Variants in PRDM11 observed in about 807,000 individuals in gnomAD.
The protein encoded by PRDM11 is PR domain-containing protein 11.
In PRDM11, 20 loss-of-function variants were observed where a neutral mutation model predicts 97.8. The observed-to-expected ratio is 0.20, with a 90% confidence interval of 0.14 to 0.30. The LOEUF (loss-of-function observed/expected upper bound fraction) is 0.30, where lower values mean the gene tolerates loss of function less well. PRDM11 is among the 10% of genes least tolerant of loss of function. The pLI, the probability that PRDM11 is intolerant of heterozygous loss-of-function variation, is 1.00. For synonymous variants in PRDM11, 599 were observed against 637.7 expected (o/e 0.94, Z 0.91); for missense variants, 1,139 against 1,555.2 (o/e 0.73, Z 4.50).
chr11:45,177,250 T>C (rs886892495), intron 1 of PRDM11, among the ~76,000 whole-genome samples: 7 of 152,234 alleles, frequency 4.6e-5, no homozygotes, highest in Non-Finnish European at 7.3e-5. Flanking sequence ...GGTTTGCAGC[T>C]CACTGCTGGG....
At chr11:45,121,832 G>A (rs1852436785) in intron 1 of PRDM11, among the ~76,000 whole-genome samples, 1 of 152,050 alleles carries the variant, frequency 6.6e-6, no homozygotes, top group Admixed American at 6.6e-5. Context: ...GCAACACACT[G>A]CTAAATAGTC....
chr11:45,114,174 GCTC>G (rs1425311501), intron 1 of PRDM11, among the ~76,000 whole-genome samples: 3 of 152,066 alleles, frequency 2.0e-5, no homozygotes, highest in Non-Finnish European at 4.4e-5. Flanking sequence ...TTATAAATAT[GCTC>G]AAGGACTTAA....
At position 45,231,623 on chromosome 11, in the gene PRDM11, A is replaced by G. The variant is rs926929428; in HGVS notation, c.*3464A>G. ...AACCTTGAGGCCCAGGTTTGTGGCCAACTGTGCCAAGGTGATACCTGGCAG... is the reference window on the plus strand; with the variant it reads ...AACCTTGAGGCCCAGGTTTGTGGCCGACTGTGCCAAGGTGATACCTGGCAG... On this transcript the variant is annotated 3_prime_UTR_variant, in exon 8 of 8. Transcript: ENST00000683152. The G allele has an allele frequency of 2.6e-5, 4 of 151,812 alleles. No homozygotes were observed. The highest frequency in any genetic ancestry group is 4.4e-5 in the Non-Finnish European group (3 of 67,992). The allele number at this position is 151,812 out of a possible 1,614,324, so 9.4% of individuals were successfully genotyped here.
intron 1 of PRDM11, among the ~76,000 whole-genome samples, chr11:45,116,947 G>T (rs1852315507): frequency 1.3e-5 from 2 of 152,182 alleles, no homozygotes; most frequent in African/African-American, 2.4e-5. Flanking sequence ...AATGCCTCCG[G>T]GTGCAATGGC....
chr11:45,120,791 A>C (rs1480446912), intron 1 of PRDM11, among the ~76,000 whole-genome samples: 1 of 152,170 alleles, frequency 6.6e-6, no homozygotes, highest in Non-Finnish European at 1.5e-5. Context: ...AACATAAAAC[A>C]ATATTGATTA....
chr11:45,223,219 G>A (rs555962675), intron 6 of PRDM11, among the ~76,000 whole-genome samples: 1 of 152,086 alleles, frequency 6.6e-6, no homozygotes, highest in African/African-American at 2.4e-5. Flanking sequence ...AGGCTGAAGT[G>A]GGGGGATCAC....
intron 1 of PRDM11, among the ~76,000 whole-genome samples, chr11:45,099,502 G>C (rs1851936967): frequency 6.7e-6 from 1 of 148,970 alleles, no homozygotes; most frequent in Admixed American, 6.7e-5. Context: ...CACATCTCCT[G>C]GGTCCACAGC....
At chr11:45,106,096 C>A (rs1006803600) in intron 1 of PRDM11, among the ~76,000 whole-genome samples, 2 of 152,198 alleles carry the variant, frequency 1.3e-5, no homozygotes, top group African/African-American at 4.8e-5. Context: ...GAACTTCCCC[C>A]ACCTGAGAGA....
chr11:45,154,310 C>G (rs1328562486), intron 1 of PRDM11, among the ~76,000 whole-genome samples: 4 of 152,098 alleles, frequency 2.6e-5, no homozygotes, highest in East Asian at 3.9e-4. Flanking sequence ...GAGCTGAGAT[C>G]GCACCACTGT....
chr11:45,185,419 C>T (rs1463972751), intron 4 of PRDM11, among the ~76,000 whole-genome samples: 1 of 152,138 alleles, frequency 6.6e-6, no homozygotes, highest in African/African-American at 2.4e-5. Context: ...TGGAGGTGAC[C>T]AGGCATAGTC....
At chr11:45,202,268 G>C (rs1010706724) in intron 4 of PRDM11, among the ~76,000 whole-genome samples, 4 of 152,262 alleles carry the variant, frequency 2.6e-5, no homozygotes, top group Non-Finnish European at 5.9e-5. Flanking sequence ...ATTAGCTTAC[G>C]GTCTAGCCAG....
intron 5 of PRDM11, chr11:45,213,609 G>T: frequency 2.2e-6 from 1 of 456,600 alleles, no homozygotes; most frequent in South Asian, 1.5e-5. Flanking sequence ...AGAAGAATGG[G>T]ATGACGTCGG....
At chr11:45,186,720 C>A (rs547075648) in intron 4 of PRDM11, among the ~76,000 whole-genome samples, 1 of 152,276 alleles carries the variant, frequency 6.6e-6, no homozygotes, top group Admixed American at 6.5e-5. Context: ...TGGTTGCCCA[C>A]TGAGCAATTA....
intron 4 of PRDM11, among the ~76,000 whole-genome samples, chr11:45,183,455 C>T (rs968275948): frequency 6.6e-6 from 1 of 152,192 alleles, no homozygotes; most frequent in African/African-American, 2.4e-5. Context: ...GAGTGGGTGA[C>T]TCGGAGCTGG....
At position 45,227,566 on chromosome 11, in the gene PRDM11, AT is replaced by A; in HGVS notation, c.2942del (p.Ile981ThrfsTer3). ...TCAGAGGTTCGACTCCCGCAGCCGG[AT>A]CTTTGTGAAGGCCTGCCAGGTGTTT... ...LAQRFDSRSR[I>X]FVKACQVFDL... On this transcript the variant is annotated frameshift_variant, in exon 8 of 8. Coordinates refer to ENST00000683152, the MANE Select transcript of PRDM11 (RefSeq NM_001384648.1). LOFTEE classifies it high-confidence loss of function. The surrounding 1 kb of genome is among the most constrained non-coding windows in gnomAD (Gnocchi z 8.0). The A allele has an allele frequency of 6.5e-7, 1 of 1,533,902 alleles. No homozygotes were observed. Among genetic ancestry groups the A allele is most frequent in the Admixed American group, 2.0e-5 (1 of 50,992 alleles).
At chr11:45,144,570 A>T (rs540290657), upstream of PRDM11, among the ~76,000 whole-genome samples, 12 of 152,196 alleles carry the variant, frequency 7.9e-5, no homozygotes, top group African/African-American at 2.9e-4. Flanking sequence ...GGAGGATGGG[A>T]CCACTCCCCT....
At chr11:45,145,181 T>G (rs889522211), upstream of PRDM11, among the ~76,000 whole-genome samples, 2 of 152,164 alleles carry the variant, frequency 1.3e-5, no homozygotes, top group Non-Finnish European at 1.5e-5. Context: ...AACGTGGGTA[T>G]TACTGTGCAC....
At chr11:45,204,634 C>T (rs1853442852) in intron 4 of PRDM11, 77 bp from the exon 5 acceptor site, 2 of 1,354,214 alleles carry the variant, frequency 1.5e-6, no homozygotes, top group Non-Finnish European at 2.1e-6. Context: ...AGGCCCTGGG[C>T]CCTGGTTGGG....
chr11:45,109,763 C>T (rs1214914712), intron 1 of PRDM11, among the ~76,000 whole-genome samples: 1 of 152,174 alleles, frequency 6.6e-6, no homozygotes, highest in Non-Finnish European at 1.5e-5. Flanking sequence ...AGCTGATAAC[C>T]TTCTGGTAGC....
Sources: gnomAD v4.1 joint callset for allele counts (sites outside exome capture counted in the v4.1 genomes callset) on GRCh38, gnomAD v4.1.1 for gene constraint, Gnocchi (gnomAD v3.1) non-coding constraint, MANE v1.5 for transcripts, NCBI Gene and HGNC (gene_info 2026-07-23, HGNC 2026-07-21) for gene names.